Variants in KIF13A observed in about 807,000 individuals in gnomAD.
KIF13A encodes kinesin-like protein KIF13A.
In KIF13A, 79 loss-of-function variants were observed where a neutral mutation model predicts 212.2. That is an observed-to-expected ratio of 0.37 (90% CI 0.31 to 0.45). KIF13A has a LOEUF of 0.45. KIF13A is among the 20% of genes least tolerant of loss of function. The pLI, the probability that KIF13A is intolerant of heterozygous loss-of-function variation, is 1.00. For synonymous variants in KIF13A, 789 were observed against 808.6 expected (o/e 0.98, Z 0.41); for missense variants, 1,901 against 2,209.0 (o/e 0.86, Z 2.79).
At chr6:17,917,781 C>A (rs1237041766) in intron 2 of KIF13A, among the ~76,000 whole-genome samples, 2 of 152,184 alleles carry the variant, frequency 1.3e-5, no homozygotes, top group African/African-American at 4.8e-5. Flanking sequence ...AATCCTGCAA[C>A]AATGCCTTAA....
chr6:17,931,003 A>G (rs1775938328), intron 2 of KIF13A, among the ~76,000 whole-genome samples: 3 of 152,234 alleles, frequency 2.0e-5, no homozygotes, highest in South Asian at 2.1e-4. Context: ...TAAAATATCA[A>G]TGAAACACAC....
At chr6:17,847,239 T>G (rs1159747265) in intron 9 of KIF13A, among the ~76,000 whole-genome samples, 3 of 152,222 alleles carry the variant, frequency 2.0e-5, no homozygotes, top group African/African-American at 4.8e-5. Context: ...CGTGGCAATC[T>G]TTTCTTTGAA....
chr6:17,765,025 G>T, intron 38 of KIF13A, 79 bp from the exon 39 acceptor site: 1 of 1,096,412 alleles, frequency 9.1e-7, no homozygotes, highest in South Asian at 1.7e-5. Context: ...ATACTTGGCT[G>T]TTAAAGGCAT....
At chr6:17,936,673 T>C (rs1218212444) in intron 2 of KIF13A, among the ~76,000 whole-genome samples, 1 of 152,200 alleles carries the variant, frequency 6.6e-6, no homozygotes, top group Non-Finnish European at 1.5e-5. Flanking sequence ...CCCTAGGTCA[T>C]AGATGAGGTT....
chr6:17,911,288 T>C (rs906001231), intron 2 of KIF13A, among the ~76,000 whole-genome samples: 2 of 152,230 alleles, frequency 1.3e-5, no homozygotes, highest in Non-Finnish European at 2.9e-5. Context: ...CCCAGAGTAG[T>C]GACCCTCCAC....
At position 17,898,053 on chromosome 6, in the gene KIF13A, A is replaced by G; in HGVS notation, c.159+115T>C. On this transcript the variant is annotated intron_variant, in intron 3 of 38. Transcript: ENST00000259711. The surrounding 1 kb of genome is among the most constrained non-coding windows in gnomAD (Gnocchi z 5.2). ...TTGTTCATGATGTGAGTTTTAAATT[A>G]GGATGCTGTTTTCAGTTCTCAATGA... 1 of 897,406 alleles carries G rather than the reference A, an allele frequency of 1.1e-6. No homozygotes were observed. The highest frequency in any genetic ancestry group is 1.7e-6 in the Non-Finnish European group (1 of 580,196). 55.6% of individuals were successfully genotyped at this position (897,406 alleles called of 1,614,324 possible). A position where few individuals can be genotyped will look rare whatever the true frequency, so the allele number is the denominator to read the frequency against.
rs1282612188 is a variant in KIF13A, at chr6:17,934,200, C to T, written c.147-36020G>A. ...AAAAGGCACCTCTTTCCATCTCTCA[C>T]ACTACTGTCTAATGGCCACAGGACA... On this transcript the variant is annotated intron_variant, in intron 2 of 38. Transcript: ENST00000259711. This position sits in a 1 kb window ranked among gnomAD's most constrained non-coding sequence, Gnocchi z 5.4. 6.6e-6 allele frequency among the ~76,000 whole-genome samples: 1 copy of T among 152,166 alleles called. No homozygotes were observed. The highest frequency in any genetic ancestry group is 1.5e-5 in the Non-Finnish European group (1 of 68,044).
chr6:17,869,176 G>A (rs551550976), intron 4 of KIF13A, among the ~76,000 whole-genome samples: 1 of 152,070 alleles, frequency 6.6e-6, no homozygotes, highest in African/African-American at 2.4e-5. Context: ...AGAGCTGGAG[G>A]GGATCTGAGA....
chr6:17,770,968 T>C, intron 38 of KIF13A, 146 bp downstream of exon 38: 1 of 595,066 alleles, frequency 1.7e-6, no homozygotes, highest in South Asian at 2.3e-5. Flanking sequence ...CCATGCAAAA[T>C]ATCATTACCA....
At chr6:17,902,727 A>C (rs994832456) in intron 2 of KIF13A, among the ~76,000 whole-genome samples, 3 of 152,224 alleles carry the variant, frequency 2.0e-5, no homozygotes, top group African/African-American at 7.2e-5. Context: ...AGGGTCGACA[A>C]AACAGCTTAG....
chr6:17,808,732 G>A, intron 18 of KIF13A, 36 bp downstream of exon 18: 1 of 1,584,636 alleles, frequency 6.3e-7, no homozygotes, highest in Non-Finnish European at 8.6e-7. Context: ...ATTTACTATT[G>A]TGCATCTTGC....
chr6:17,907,309 A>C (rs1773596716), intron 2 of KIF13A, among the ~76,000 whole-genome samples: 1 of 152,190 alleles, frequency 6.6e-6, no homozygotes, highest in Non-Finnish European at 1.5e-5. Context: ...GCTGGAGCAC[A>C]CTGTACACTT....
rs536905837 is a variant in KIF13A, at chr6:17,778,756, G to A, written c.4092+191C>T. On this transcript the variant is annotated intron_variant, in intron 33 of 38. Coordinates refer to ENST00000259711, the MANE Select transcript of KIF13A (RefSeq NM_022113.6). ...ACTCAGGCTCAGTGCTTGGCAAGTA[G>A]GGGTTATTCAATAAAAGTTAGTCAT... Among the ~76,000 whole-genome samples the A allele has an allele frequency of 3.9e-4, 59 of 152,292 alleles. 1 individual carries two copies. The highest frequency in any genetic ancestry group is 1.4e-3 in the African/African-American group (58 of 41,570).
intron 18 of KIF13A, among the ~76,000 whole-genome samples, chr6:17,807,189 A>G (rs1360535909): frequency 6.6e-6 from 1 of 152,178 alleles, no homozygotes; most frequent in Non-Finnish European, 1.5e-5. Context: ...TTTTTAGGGA[A>G]CAAGGGAAGA....
intron 2 of KIF13A, among the ~76,000 whole-genome samples, chr6:17,978,895 T>G (rs957014890): frequency 6.6e-6 from 1 of 152,254 alleles, no homozygotes; most frequent in Non-Finnish European, 1.5e-5. Context: ...GGTACTATTC[T>G]GAAAATATGT....
chr6:17,859,620 T>A (rs1191341135), intron 4 of KIF13A, among the ~76,000 whole-genome samples: 4 of 131,558 alleles, frequency 3.0e-5, no homozygotes, highest in East Asian at 4.1e-4. Context: ...GCAATGTATT[T>A]TATATATATA....
intron 3 of KIF13A, among the ~76,000 whole-genome samples, chr6:17,878,431 C>CTTT (rs536813179): frequency 0.046 from 6,377 of 139,496 alleles, 327 homozygotes; most frequent in African/African-American, 0.13. Flanking sequence ...CTACCTCTAA[C>CTTT]TTTTTTTTTT....
intron 9 of KIF13A, among the ~76,000 whole-genome samples, chr6:17,840,804 G>A (rs1309337850): frequency 6.6e-6 from 1 of 152,196 alleles, no homozygotes; most frequent in Non-Finnish European, 1.5e-5. Context: ...AAGGATGCCA[G>A]AATATGGATT....
intron 2 of KIF13A, among the ~76,000 whole-genome samples, chr6:17,972,901 C>T (rs1779941241): frequency 1.3e-5 from 2 of 152,006 alleles, no homozygotes; most frequent in South Asian, 4.2e-4. Context: ...ACAGAGGTTT[C>T]CCTCAAGCCT....
Sources: allele counts gnomAD v4.1 joint callset (sites outside exome capture counted in the v4.1 genomes callset), GRCh38; gene constraint gnomAD v4.1.1; non-coding constraint Gnocchi (gnomAD v3.1); transcripts MANE v1.5; gene names NCBI Gene and HGNC (gene_info 2026-07-23, HGNC 2026-07-21).